Variants in MIGA1 observed in about 807,000 individuals in gnomAD.
MIGA1 encodes mitoguardin 1.
A neutral mutation model predicts 82.0 loss-of-function variants in MIGA1; 58 were observed. That is an observed-to-expected ratio of 0.71 (90% CI 0.57 to 0.88). The LOEUF (loss-of-function observed/expected upper bound fraction) is 0.88, where lower values mean the gene tolerates loss of function less well. Ranked by LOEUF, MIGA1 falls within the 40% of genes least tolerant of loss-of-function variation. The pLI is 0.00. For synonymous variants in MIGA1, 249 were observed against 253.6 expected (o/e 0.98, Z 0.17); for missense variants, 751 against 749.1 (o/e 1.00, Z -0.03).
intron 7 of MIGA1, among the ~76,000 whole-genome samples, chr1:77,831,054 A>G (rs1684226023): frequency 6.6e-6 from 1 of 152,206 alleles, no homozygotes; most frequent in Non-Finnish European, 1.5e-5. Flanking sequence ...AAAGTCGAAG[A>G]TCCTTCTTTA....
At chr1:77,811,556 C>G (rs2101790561) in intron 5 of MIGA1, 1 of 1,609,778 alleles carries the variant, frequency 6.2e-7, no homozygotes, top group Non-Finnish European at 8.5e-7. Flanking sequence ...GACTGTAAAG[C>G]TGCACTTCGC....
chr1:77,812,284 C>T (rs977931549), intron 5 of MIGA1, among the ~76,000 whole-genome samples: 1 of 152,142 alleles, frequency 6.6e-6, no homozygotes, highest in Non-Finnish European at 1.5e-5. Context: ...GTGTGGCCAG[C>T]ATGGTGAAAC....
intron 2 of MIGA1, among the ~76,000 whole-genome samples, chr1:77,785,616 T>TAGTA (rs1384322211): frequency 3.9e-5 from 6 of 152,170 alleles, no homozygotes; most frequent in African/African-American, 1.4e-4. Context: ...GTACTGGGAT[T>TAGTA]ACAGGTGTGA....
intron 5 of MIGA1, chr1:77,811,411 C>T (rs1398554014): frequency 1.3e-6 from 2 of 1,588,848 alleles, no homozygotes; most frequent in East Asian, 4.5e-5. Flanking sequence ...CTCTTCTTCA[C>T]CAGGTGCCAA....
chr1:77,805,033 C>T lies in MIGA1; in HGVS notation c.510+1627C>T, dbSNP rs1248900809. 1.1e-3 allele frequency among the ~76,000 whole-genome samples: 144 copies of T among 129,694 alleles called. 2 individuals carry two copies. The highest frequency in any genetic ancestry group is 4.9e-4 in the South Asian group (2 of 4,062). 85.1% of individuals were successfully genotyped at this position (129,694 alleles called of 152,430 possible). On this transcript the variant is annotated intron_variant, in intron 4 of 15. Transcript: ENST00000370791. The stretch of plus-strand genomic sequence containing the variant: ...TTTTTGAGACGGAGTCTCACTCTGT[C>T]GCCCAGGCTGGAGTGCAGTGGCACA...
chr1:77,869,530 C>A (rs1035354748), intron 14 of MIGA1, among the ~76,000 whole-genome samples: 1 of 135,378 alleles, frequency 7.4e-6, no homozygotes, highest in Non-Finnish European at 1.6e-5. Flanking sequence ...CGGGCAGAAG[C>A]GCCCCTCACC....
At chr1:77,799,933 G>T (rs1198210872) in intron 2 of MIGA1, among the ~76,000 whole-genome samples, 1 of 150,426 alleles carries the variant, frequency 6.6e-6, no homozygotes, top group African/African-American at 2.4e-5. Flanking sequence ...GCTTGTTTTA[G>T]GTTGAATTTG....
chr1:77,815,021 T>A (rs1382819817), intron 6 of MIGA1, 87 bp from the exon 7 acceptor site: 1 of 937,790 alleles, frequency 1.1e-6, no homozygotes, highest in African/African-American at 1.7e-5. Context: ...ACTCACTTTC[T>A]TTGCCTTTTA....
At chr1:77,795,961 G>C (rs549109628) in intron 2 of MIGA1, among the ~76,000 whole-genome samples, 107 of 152,026 alleles carry the variant, frequency 7.0e-4, no homozygotes, top group Non-Finnish European at 1.2e-3. Flanking sequence ...AGCATTCCTA[G>C]TTGGATCATT....
At chr1:77,851,010 C>A (rs933012102) in intron 8 of MIGA1, among the ~76,000 whole-genome samples, 3 of 152,186 alleles carry the variant, frequency 2.0e-5, no homozygotes, top group African/African-American at 7.2e-5. Flanking sequence ...GCTGGGATTG[C>A]AGGCACCTGC....
Position 77,813,800 on chromosome 1 carries a change from C to T in MIGA1, c.704C>T (p.Ala235Val), listed in dbSNP as rs1213709699. The stretch of plus-strand genomic sequence containing the variant: ...GCTCTGACCTTTCGCAATAGACAGG[C>T]TGAAGATGAAGCCTGTGGTTCCATT... Residue 235 changes from alanine (A) to valine (V), a missense_variant, in exon 6 of 16, where the codon GCT (alanine) becomes GTT (valine). Physicochemically the swap from Ala to Val is moderately conservative, Grantham distance 64. Coordinates refer to ENST00000370791, the MANE Select transcript of MIGA1 (RefSeq NM_198549.4). 1 of 1,614,170 alleles carries T rather than the reference C, an allele frequency of 6.2e-7. No homozygotes were observed. Among genetic ancestry groups the T allele is most frequent in the South Asian group, 1.1e-5 (1 of 91,078 alleles).
chr1:77,803,040 A>G (rs1046002000), intron 3 of MIGA1, among the ~76,000 whole-genome samples: 8 of 152,148 alleles, frequency 5.3e-5, no homozygotes, highest in African/African-American at 1.7e-4. Flanking sequence ...TGAATATTCT[A>G]TTCTTCATTT....
At chr1:77,847,097 A>T in intron 8 of MIGA1, 1 of 823,052 alleles carries the variant, frequency 1.2e-6, no homozygotes, top group Non-Finnish European at 2.2e-6. Context: ...TTCAGTAGAT[A>T]TGGGAACAAG....
At chr1:77,851,731 A>T (rs923410874) in intron 8 of MIGA1, among the ~76,000 whole-genome samples, 3 of 152,324 alleles carry the variant, frequency 2.0e-5, no homozygotes, top group East Asian at 3.9e-4. Context: ...TTAAACGATT[A>T]CTTAAACCAA....
chr1:77,787,401 T>G (rs1396445616), intron 2 of MIGA1, among the ~76,000 whole-genome samples: 3 of 148,802 alleles, frequency 2.0e-5, no homozygotes, highest in Non-Finnish European at 4.5e-5. Flanking sequence ...TTTTTTTTTT[T>G]GTAAGACAGA....
chr1:77,852,300 A>C (rs1685085428), intron 8 of MIGA1, among the ~76,000 whole-genome samples: 1 of 152,166 alleles, frequency 6.6e-6, no homozygotes, highest in Admixed American at 6.5e-5. Flanking sequence ...TTTAATATCT[A>C]AAGAATTTTC....
At chr1:77,871,169 T>C (rs2101981814) in intron 14 of MIGA1, among the ~76,000 whole-genome samples, 1 of 150,254 alleles carries the variant, frequency 6.7e-6, no homozygotes, top group Non-Finnish European at 1.5e-5. Flanking sequence ...ATATAATGGG[T>C]ACTCATTAAA....
At chr1:77,784,414 C>T (rs1196310625) in intron 2 of MIGA1, among the ~76,000 whole-genome samples, 1 of 152,036 alleles carries the variant, frequency 6.6e-6, no homozygotes, top group Non-Finnish European at 1.5e-5. Flanking sequence ...TTTGAAGAGA[C>T]AGAGTCTCAG....
At position 77,803,279 on chromosome 1, in the gene MIGA1, G is replaced by T. The variant is rs755333363; in HGVS notation, c.383G>T (p.Cys128Phe). ...TATGTTTATTTGATAGGTTCAAGTT[G>T]TTCCAGTAGCAGACAGAATTTGACA... Residue 128 changes from cysteine to phenylalanine, a missense_variant, in exon 4 of 16, where the codon TGT becomes TTT. Transcript: ENST00000370791. 2 of 1,521,840 alleles carry T rather than the reference G, an allele frequency of 1.3e-6. No individual in the cohort carries two copies. Among genetic ancestry groups the T allele is most frequent in the Non-Finnish European group, 1.8e-6 (2 of 1,135,050 alleles). 94.3% of individuals were successfully genotyped at this position (1,521,840 alleles called of 1,614,324 possible). A position where few individuals can be genotyped will look rare whatever the true frequency, so the allele number is the denominator to read the frequency against.
Sources: gnomAD v4.1 joint callset for allele counts (sites outside exome capture counted in the v4.1 genomes callset) on GRCh38, gnomAD v4.1.1 for gene constraint, MANE v1.5 for transcripts, NCBI Gene and HGNC (gene_info 2026-07-23, HGNC 2026-07-21) for gene names.